Variants in DHX30 observed in about 807,000 individuals in gnomAD.
DHX30 encodes ATP-dependent RNA helicase DHX30.
Under a neutral mutation model 116.9 loss-of-function variants are expected in DHX30, and 4 were observed. The observed-to-expected ratio is 0.03, with a 90% CI of 0.02 to 0.08. The LOEUF (loss-of-function observed/expected upper bound fraction) is 0.08. DHX30 is among the 10% of genes least tolerant of loss of function. DHX30 has a pLI of 1.00. For synonymous variants in DHX30, 697 were observed against 651.7 expected, an observed-to-expected ratio of 1.07 and a Z score of -1.06; for missense variants, 871 against 1,595.1, an observed-to-expected ratio of 0.55 and a Z score of 7.73.
chr3:47,812,536 C>T (rs910139220), intron 3 of DHX30, among the ~76,000 whole-genome samples: 7 of 146,746 alleles, frequency 4.8e-5, no homozygotes, highest in Non-Finnish European at 6.0e-5. Context: ...CCAGCCTGGG[C>T]GACAGGGCAA....
chr3:47,847,724 C>T lies in DHX30; in HGVS notation c.2111-57C>T, dbSNP rs2037680938. 1.3e-6 allele frequency: 2 copies of T among 1,578,246 alleles called. No homozygotes were observed. The highest frequency in any genetic ancestry group is 1.8e-5 in the Admixed American group (1 of 56,792). On this transcript the variant is annotated intron_variant, in intron 13 of 21. Coordinates refer to ENST00000445061, the MANE Select transcript of DHX30 (RefSeq NM_138615.3). The surrounding 1 kb of genome is among the most constrained non-coding windows in gnomAD (Gnocchi z 5.5). ...CAAAATCCTTGCCCTGCCCACATTC[C>T]AGGGGGGAATTCTGGTGGAAGCAGT...
intron 6 of DHX30, among the ~76,000 whole-genome samples, chr3:47,834,386 G>A (rs565520680): frequency 6.6e-6 from 1 of 152,332 alleles, no homozygotes; most frequent in Admixed American, 6.5e-5. Flanking sequence ...TTACAGGTGT[G>A]AGCCACTACT....
At chr3:47,806,281 T>C (rs1373481295) in intron 2 of DHX30, among the ~76,000 whole-genome samples, 52 of 137,980 alleles carry the variant, frequency 3.8e-4, no homozygotes, top group Middle Eastern at 4.7e-3. Context: ...GTAGCTGGGA[T>C]TACAGGTGCG....
At chr3:47,826,187 T>C (rs2036544165) in intron 4 of DHX30, 1 of 152,236 alleles carries the variant, frequency 6.6e-6, no homozygotes, top group Non-Finnish European at 1.5e-5. Context: ...CTTTTGGAGC[T>C]GCCAGAGGCT....
Position 47,833,553 on chromosome 3 carries a change from A to G in DHX30, c.366+4419A>G, listed in dbSNP as rs938718765. Reference sequence around the variant, plus strand: ...TCTCTCTCTCAAAAAAAAAAAAAAAAAAAAAGAAAGAGCACCTAAAATGTA... The same window carrying G: ...TCTCTCTCTCAAAAAAAAAAAAAAAGAAAAAGAAAGAGCACCTAAAATGTA... On this transcript the variant is annotated intron_variant, in intron 6 of 21. Coordinates refer to ENST00000445061, the MANE Select transcript of DHX30 (RefSeq NM_138615.3). Among the ~76,000 whole-genome samples the G allele has an allele frequency of 4.5e-4, 67 of 149,972 alleles. 2 individuals carry two copies. Among genetic ancestry groups the G allele is most frequent in the Non-Finnish European group, 9.0e-4 (61 of 67,574 alleles).
chr3:47,836,174 A>G (rs140382104), intron 6 of DHX30, among the ~76,000 whole-genome samples: 73 of 151,260 alleles, frequency 4.8e-4, no homozygotes, highest in East Asian at 1.8e-3. Flanking sequence ...CTAGAGTGCA[A>G]TGGTGCAATG....
At chr3:47,807,329 C>T (rs2035574811) in intron 2 of DHX30, among the ~76,000 whole-genome samples, 1 of 152,044 alleles carries the variant, frequency 6.6e-6, no homozygotes, top group African/African-American at 2.4e-5. Context: ...CTCATAGTAT[C>T]GTTTTTTTAG....
At chr3:47,828,882 C>G in intron 5 of DHX30, 142 bp from the exon 6 acceptor site, 1 of 638,838 alleles carries the variant, frequency 1.6e-6, no homozygotes, top group East Asian at 3.0e-5. Flanking sequence ...GGGTTCTGTC[C>G]TCTGTTCTCA....
At chr3:47,809,234 C>CT (rs71070231) in intron 2 of DHX30, among the ~76,000 whole-genome samples, 28,268 of 62,860 alleles carry the variant, frequency 0.45, 9,895 homozygotes, top group East Asian at 0.68. Context: ...AATGTAACTT[C>CT]TTTTTTTTTT....
At chr3:47,824,859 C>T (rs1220034490) in intron 4 of DHX30, 1 of 457,610 alleles carries the variant, frequency 2.2e-6, no homozygotes, top group African/African-American at 2.1e-5. Context: ...TGGGCAGCGC[C>T]GAGCCCGCCT....
chr3:47,806,981 G>A (rs2035557527), intron 2 of DHX30, among the ~76,000 whole-genome samples: 2 of 151,944 alleles, frequency 1.3e-5, no homozygotes, highest in African/African-American at 2.4e-5. Flanking sequence ...GCTGAGGCGG[G>A]CGGATCACAA....
intron 3 of DHX30, chr3:47,816,450 C>T (rs761204114): frequency 3.5e-5 from 34 of 979,158 alleles, no homozygotes; most frequent in African/African-American, 1.2e-4. Context: ...CTCCGCCTCC[C>T]GGGTTCAAGT....
rs762812900 is a variant in DHX30, at chr3:47,841,143, C to T, written c.633C>T (p.Thr211=). The part of the protein sequence containing the change: ...TIDVTDFLSM[T]QQDSHAPLRD... Reference sequence around the variant, plus strand: ...ATGTTACCGACTTCTTGTCCATGACCCAGCAGGATTCCCACGCTCCACTCA... The same window carrying T: ...ATGTTACCGACTTCTTGTCCATGACTCAGCAGGATTCCCACGCTCCACTCA... Residue 211 remains threonine (T), a synonymous_variant, in exon 7 of 22, where the codon ACC becomes ACT. Coordinates refer to ENST00000445061, the MANE Select transcript of DHX30 (RefSeq NM_138615.3). 3.7e-6 allele frequency: 6 copies of T among 1,614,004 alleles called. No homozygotes were observed. The highest frequency in any genetic ancestry group is 1.6e-4 in the Middle Eastern group (1 of 6,084).
chr3:47,808,205 C>T (rs536442763), intron 2 of DHX30, among the ~76,000 whole-genome samples: 3 of 151,496 alleles, frequency 2.0e-5, no homozygotes, highest in East Asian at 1.9e-4. Context: ...CCACTGCACC[C>T]GCCTTACTTT....
intron 9 of DHX30, among the ~76,000 whole-genome samples, chr3:47,845,299 T>C (rs1306728012): frequency 7.2e-5 from 11 of 152,144 alleles, no homozygotes; most frequent in Non-Finnish European, 1.0e-4. Context: ...GCGATTCTCG[T>C]GCCTCAGCCT....
At chr3:47,807,088 C>T (rs1301017011) in intron 2 of DHX30, among the ~76,000 whole-genome samples, 1 of 151,978 alleles carries the variant, frequency 6.6e-6, no homozygotes, top group African/African-American at 2.4e-5. Context: ...TGCCTGTAAT[C>T]CCAGCTACTA....
At chr3:47,820,313 CA>C (rs941035786) in intron 4 of DHX30, among the ~76,000 whole-genome samples, 158 of 139,336 alleles carry the variant, frequency 1.1e-3, no homozygotes, top group Admixed American at 1.4e-3. Flanking sequence ...GACTCCATCT[CA>C]AAAAAAAAAA....
At chr3:47,828,424 C>T (rs547950726) in intron 5 of DHX30, among the ~76,000 whole-genome samples, 3 of 145,532 alleles carry the variant, frequency 2.1e-5, no homozygotes, top group Non-Finnish European at 4.5e-5. Flanking sequence ...CGTGCCACTG[C>T]ACTCCAGCCT....
chr3:47,849,917 C>T lies in DHX30; in HGVS notation c.3382C>T (p.Leu1128=). The T allele has an allele frequency of 1.2e-6, 2 of 1,613,412 alleles. No homozygotes were observed. The highest frequency in any genetic ancestry group is 1.7e-6 in the Non-Finnish European group (2 of 1,179,816). Residue 1128 remains leucine (L), a synonymous_variant, in exon 22 of 22, where the codon CTG becomes TTG. Coordinates refer to ENST00000445061, the MANE Select transcript of DHX30 (RefSeq NM_138615.3). ...ISLSDSDLLR[L]EGDSRTVRLL... The stretch of plus-strand genomic sequence containing the variant: ...ACTGAGCGACAGTGACCTGCTGCGG[C>T]TGGAGGGTGACTCGCGTACCGTGCG...
Sources: allele counts gnomAD v4.1 joint callset (sites outside exome capture counted in the v4.1 genomes callset), GRCh38; gene constraint gnomAD v4.1.1; non-coding constraint Gnocchi (gnomAD v3.1); transcripts MANE v1.5; gene names NCBI Gene and HGNC (gene_info 2026-07-23, HGNC 2026-07-21).